The following C8orf34 variants were observed in gnomAD, a reference collection of about 807,000 sequenced individuals.
C8orf34 encodes uncharacterized protein C8orf34.
Under a neutral mutation model 68.3 loss-of-function variants are expected in C8orf34, and 65 were observed. The ratio of observed to expected loss-of-function variants is 0.95; its 90% CI spans 0.78 to 1.17. The LOEUF (loss-of-function observed/expected upper bound fraction) is 1.17, where lower values mean the gene tolerates loss of function less well. Among genes scored for constraint, C8orf34 ranks in the 50% most tolerant of loss-of-function variants. C8orf34 has a pLI of 0.00. For synonymous variants in C8orf34, 244 were observed against 241.2 expected (o/e 1.01, Z -0.11); for missense variants, 664 against 655.4 (o/e 1.01, Z -0.14).
chr8:68,787,707 A>G (rs1463453824), intron 12 of C8orf34, 171 bp downstream of exon 12: 21 of 464,016 alleles, frequency 4.5e-5, no homozygotes, highest in Non-Finnish European at 7.9e-5. Context: ...GTCTTCATTC[A>G]GTAACATCTT....
intron 10 of C8orf34, among the ~76,000 whole-genome samples, chr8:68,727,490 G>C (rs1312993622): frequency 6.6e-6 from 1 of 152,190 alleles, no homozygotes; most frequent in East Asian, 1.9e-4. Context: ...TCTTCTCACA[G>C]CTCCACTATG....
chr8:68,512,019 A>G (rs1814297120), intron 5 of C8orf34, among the ~76,000 whole-genome samples: 1 of 152,164 alleles, frequency 6.6e-6, no homozygotes, highest in African/African-American at 2.4e-5. Context: ...AAATGTCACA[A>G]TCTTCAAAGT....
At chr8:68,424,233 A>G (rs915181906) in intron 1 of C8orf34, among the ~76,000 whole-genome samples, 2 of 152,158 alleles carry the variant, frequency 1.3e-5, no homozygotes, top group Non-Finnish European at 2.9e-5. Context: ...AGTGAAGCAG[A>G]CCAGAATAGC....
intron 8 of C8orf34, among the ~76,000 whole-genome samples, chr8:68,653,669 C>T (rs1229105191): frequency 6.6e-6 from 1 of 152,230 alleles, no homozygotes; most frequent in East Asian, 1.9e-4. Flanking sequence ...CTGGATAGCT[C>T]TCTAAACTCT....
At chr8:68,457,229 T>A (rs755180592) in intron 3 of C8orf34, among the ~76,000 whole-genome samples, 44 of 152,080 alleles carry the variant, frequency 2.9e-4, no homozygotes, top group Non-Finnish European at 3.5e-4. Context: ...AGAGTATATA[T>A]GTACATATAT....
intron 12 of C8orf34, among the ~76,000 whole-genome samples, chr8:68,802,331 C>G (rs1585906358): frequency 6.6e-6 from 1 of 151,934 alleles, no homozygotes; most frequent in African/African-American, 2.4e-5. Context: ...AACTCCCGAC[C>G]TCAGGTGATC....
chr8:68,572,786 G>A (rs972649619), intron 7 of C8orf34, among the ~76,000 whole-genome samples: 5 of 152,130 alleles, frequency 3.3e-5, no homozygotes, highest in Non-Finnish European at 5.9e-5. Context: ...AGTTTAGCAG[G>A]ATTGGAGTGT....
chr8:68,385,952 T>G (rs1420886761), intron 1 of C8orf34, among the ~76,000 whole-genome samples: 4 of 152,098 alleles, frequency 2.6e-5, no homozygotes, highest in Non-Finnish European at 4.4e-5. Context: ...CAGACTGGAG[T>G]GTAGTGGCGT....
intron 1 of C8orf34, among the ~76,000 whole-genome samples, chr8:68,340,934 A>C (rs1267806259): frequency 2.0e-5 from 3 of 152,216 alleles, no homozygotes; most frequent in Non-Finnish European, 4.4e-5. Context: ...AGAAATAAAA[A>C]AACAACAAAC....
At chr8:68,560,151 T>C (rs1816376840) in intron 7 of C8orf34, among the ~76,000 whole-genome samples, 1 of 152,008 alleles carries the variant, frequency 6.6e-6, no homozygotes, top group African/African-American at 2.4e-5. Context: ...GGTGTTTTTT[T>C]TTTTTTTGAA....
intron 8 of C8orf34, among the ~76,000 whole-genome samples, chr8:68,641,793 T>G (rs894270026): frequency 1.3e-5 from 2 of 152,214 alleles, no homozygotes; most frequent in Admixed American, 6.5e-5. Flanking sequence ...CAAGCACATT[T>G]TTAGCCCTAA....
At chr8:68,749,692 T>A (rs1258199102) in intron 10 of C8orf34, among the ~76,000 whole-genome samples, 4 of 152,220 alleles carry the variant, frequency 2.6e-5, no homozygotes, top group Non-Finnish European at 5.9e-5. Flanking sequence ...AATGGAATAA[T>A]ACTGTATATG....
intron 7 of C8orf34, among the ~76,000 whole-genome samples, chr8:68,581,046 C>T (rs1047278418): frequency 9.9e-5 from 15 of 152,032 alleles, no homozygotes; most frequent in African/African-American, 2.7e-4. Context: ...GTGTTGGCTA[C>T]GTCTGAAAGG....
chr8:68,483,730 C>T (rs11985601), intron 4 of C8orf34, among the ~76,000 whole-genome samples: 2,713 of 152,214 alleles, frequency 0.018, 82 homozygotes, highest in African/African-American at 0.062. Context: ...ATGGAAAGGC[C>T]TATAAATTAA....
chr8:68,732,451 C>T (rs998644664), intron 10 of C8orf34, among the ~76,000 whole-genome samples: 3 of 151,836 alleles, frequency 2.0e-5, no homozygotes, highest in Non-Finnish European at 4.4e-5. Flanking sequence ...GTGTTCCTGG[C>T]CATATTTCTT....
intron 12 of C8orf34, among the ~76,000 whole-genome samples, chr8:68,799,105 G>A (rs755985546): frequency 2.6e-5 from 4 of 152,152 alleles, no homozygotes; most frequent in Admixed American, 1.3e-4. Context: ...GGAGCAATGC[G>A]TGGAGTTGAA....
chr8:68,577,112 A>C (rs1220325111), intron 7 of C8orf34, among the ~76,000 whole-genome samples: 1 of 151,790 alleles, frequency 6.6e-6, no homozygotes, highest in Non-Finnish European at 1.5e-5. Context: ...AGAAATACAG[A>C]CTCTCTTAGC....
At chr8:68,426,518 C>CAAAAAAAAAAAAAAAA (rs753578060) in intron 1 of C8orf34, among the ~76,000 whole-genome samples, 24 of 29,600 alleles carry the variant, frequency 8.1e-4, no homozygotes, top group Non-Finnish European at 1.0e-3. Context: ...GACCTTGTCT[C>CAAAAAAAAAAAAAAAA]AAAAAAAAAA....
intron 10 of C8orf34, among the ~76,000 whole-genome samples, chr8:68,741,834 T>C (rs1420270091): frequency 6.6e-6 from 1 of 152,246 alleles, no homozygotes; most frequent in African/African-American, 2.4e-5. Context: ...TAGTACTCCA[T>C]TGTTTATATG....
Sources: allele counts gnomAD v4.1 joint callset (sites outside exome capture counted in the v4.1 genomes callset), GRCh38; gene constraint gnomAD v4.1.1; transcripts MANE v1.5; gene names NCBI Gene and HGNC (gene_info 2026-07-23, HGNC 2026-07-21).